The following GULP1 variants were observed in gnomAD, a reference collection of about 807,000 sequenced individuals.
GULP1 encodes PTB domain-containing engulfment adapter protein 1.
A neutral mutation model predicts 40.9 loss-of-function variants in GULP1; 19 were observed. The observed-to-expected ratio is 0.46, with a 90% CI of 0.32 to 0.68. The LOEUF (loss-of-function observed/expected upper bound fraction) is 0.68. Ranked by LOEUF, GULP1 falls within the 30% of genes least tolerant of loss-of-function variation. GULP1 has a pLI of 0.03. For missense variants in GULP1, 312 were observed against 362.2 expected, an observed-to-expected ratio of 0.86 and a Z score of 1.12; for synonymous variants, 119 against 117.6, an observed-to-expected ratio of 1.01 and a Z score of -0.08.
At chr2:188,295,515 T>C (rs1334020483) in intron 1 of GULP1, among the ~76,000 whole-genome samples, 1 of 152,186 alleles carries the variant, frequency 6.6e-6, no homozygotes, top group East Asian at 1.9e-4. Context: ...TTGTGAAATA[T>C]TTACTTTTTA....
chr2:188,578,878 A>G (rs1700700094), intron 9 of GULP1, among the ~76,000 whole-genome samples: 1 of 152,112 alleles, frequency 6.6e-6, no homozygotes, highest in Non-Finnish European at 1.5e-5. Context: ...AATGTATTTA[A>G]TTACTTTAAC....
chr2:188,299,161 C>T (rs543700217), intron 1 of GULP1, among the ~76,000 whole-genome samples: 5 of 139,520 alleles, frequency 3.6e-5, no homozygotes, highest in Non-Finnish European at 4.8e-5. Context: ...TGACTAAGGA[C>T]AGAGCAGGTG....
At chr2:188,476,270 G>A (rs2060999970) in intron 2 of GULP1, among the ~76,000 whole-genome samples, 1 of 152,130 alleles carries the variant, frequency 6.6e-6, no homozygotes, top group Non-Finnish European at 1.5e-5. Flanking sequence ...GCAGGAAGTG[G>A]TGGTGAGACT....
At chr2:188,304,845 T>C (rs2036773296) in intron 1 of GULP1, among the ~76,000 whole-genome samples, 1 of 152,224 alleles carries the variant, frequency 6.6e-6, no homozygotes, top group East Asian at 1.9e-4. Flanking sequence ...AACTATGTTT[T>C]TCCTCTGCTC....
chr2:188,417,763 A>C (rs979460037), intron 2 of GULP1, among the ~76,000 whole-genome samples: 1 of 151,858 alleles, frequency 6.6e-6, no homozygotes, highest in Non-Finnish European at 1.5e-5. Flanking sequence ...GGAAGAGCTT[A>C]TATTTCCCTC....
At chr2:188,397,251 T>G (rs2051411968) in intron 2 of GULP1, among the ~76,000 whole-genome samples, 1 of 152,166 alleles carries the variant, frequency 6.6e-6, no homozygotes. Flanking sequence ...AAAAATGAAT[T>G]TCTTAATACA....
intron 1 of GULP1, among the ~76,000 whole-genome samples, chr2:188,327,597 A>G (rs2040936356): frequency 6.6e-6 from 1 of 152,040 alleles, no homozygotes; most frequent in South Asian, 2.1e-4. Context: ...TATTCACATG[A>G]CCATATGTAA....
At chr2:188,428,132 C>T (rs1436557209) in intron 2 of GULP1, among the ~76,000 whole-genome samples, 2 of 152,218 alleles carry the variant, frequency 1.3e-5, no homozygotes, top group Non-Finnish European at 2.9e-5. Context: ...TGTACCCTTT[C>T]TTTTGATCAA....
In GULP1 at chr2:188,385,747, A is replaced by G. The variant is rs192012772; in HGVS notation, c.-45+1858A>G. Among the ~76,000 whole-genome samples, 2 of 152,288 alleles carry G rather than the reference A, an allele frequency of 1.3e-5. 1 individual carries two copies. Among genetic ancestry groups the G allele is most frequent in the East Asian group, 3.9e-4 (2 of 5,174 alleles). Reference sequence around the variant, plus strand: ...TCACCTCTCTCAAGTTCAAAGTTCCACAAATCTCTAGGGCAGGAGCAAAAT... The same window carrying G: ...TCACCTCTCTCAAGTTCAAAGTTCCGCAAATCTCTAGGGCAGGAGCAAAAT... On this transcript the variant is annotated intron_variant, in intron 2 of 11. Transcript: ENST00000409830.
At chr2:188,573,439 A>C (rs528080359) in intron 9 of GULP1, among the ~76,000 whole-genome samples, 2 of 152,348 alleles carry the variant, frequency 1.3e-5, no homozygotes, top group East Asian at 1.9e-4. Context: ...GTGAATTTAA[A>C]ATATTTAATA....
At chr2:188,410,163 C>G (rs1446646803) in intron 2 of GULP1, among the ~76,000 whole-genome samples, 10 of 152,114 alleles carry the variant, frequency 6.6e-5, no homozygotes, top group Non-Finnish European at 7.4e-5. Context: ...TGAAATTAGA[C>G]TGTCATTTCA....
intron 2 of GULP1, among the ~76,000 whole-genome samples, chr2:188,446,426 C>A (rs1444460151): frequency 6.6e-6 from 1 of 152,152 alleles, no homozygotes; most frequent in Non-Finnish European, 1.5e-5. Flanking sequence ...TTACTTGCAT[C>A]TCCAAAGTAT....
At chr2:188,333,076 C>T (rs2041828695) in intron 1 of GULP1, among the ~76,000 whole-genome samples, 3 of 151,962 alleles carry the variant, frequency 2.0e-5, no homozygotes, top group Admixed American at 2.0e-4. Context: ...GAGACCTCGT[C>T]TCTACAAAAA....
chr2:188,571,637 C>G (rs1699058925), intron 9 of GULP1, among the ~76,000 whole-genome samples: 1 of 152,158 alleles, frequency 6.6e-6, no homozygotes, highest in Admixed American at 6.6e-5. Context: ...TTTCTTGCCT[C>G]TCTCGCTGCT....
chr2:188,481,476 G>A (rs1261796031), intron 3 of GULP1, among the ~76,000 whole-genome samples: 1 of 151,864 alleles, frequency 6.6e-6, no homozygotes, highest in Admixed American at 6.6e-5. Flanking sequence ...TGATAATATG[G>A]ATGCAGATTT....
chr2:188,441,084 T>TG (rs11432401), intron 2 of GULP1, among the ~76,000 whole-genome samples: 151,085 of 152,204 alleles, frequency 0.99, 74,998 homozygotes, highest in East Asian at 1. Flanking sequence ...TAGATAGCAC[T>TG]GTCCAATTTG....
At chr2:188,373,150 T>C (rs961305844) in intron 1 of GULP1, among the ~76,000 whole-genome samples, 15 of 151,830 alleles carry the variant, frequency 9.9e-5, no homozygotes, top group Admixed American at 2.6e-4. Context: ...TGAATTCTGT[T>C]TGAAGTGGGA....
rs1297394337 is a variant in GULP1 at position 188,584,262 on chromosome 2, C to T, written c.610-3C>T. 3.1e-6 allele frequency: 5 copies of T among 1,590,992 alleles called. No individual in the cohort carries two copies. Among genetic ancestry groups the T allele is most frequent in the Non-Finnish European group, 4.3e-6 (5 of 1,160,380 alleles). ...TACCCTAATTCATTTATTTTCATTG[C>T]AGGCAGGCAGTATGACACCTAAGTC... On this transcript the variant is annotated splice_region_variant and splice_polypyrimidine_tract_variant and intron_variant, in intron 9 of 11. Transcript: ENST00000409830.
chr2:188,569,816 AT>A (rs1471061902), intron 8 of GULP1, among the ~76,000 whole-genome samples: 2 of 152,164 alleles, frequency 1.3e-5, no homozygotes, highest in African/African-American at 4.8e-5. Flanking sequence ...GGAACATAAA[AT>A]TTGCACACAC....
Sources: allele counts gnomAD v4.1 joint callset (sites outside exome capture counted in the v4.1 genomes callset), GRCh38; gene constraint gnomAD v4.1.1; transcripts MANE v1.5; gene names NCBI Gene and HGNC (gene_info 2026-07-23, HGNC 2026-07-21).